Variants in OSBPL1A observed in about 807,000 individuals in gnomAD.
OSBPL1A encodes the protein oxysterol-binding protein-related protein 1.
In OSBPL1A, 80 loss-of-function variants were observed where a neutral mutation model predicts 137.1. The ratio of observed to expected loss-of-function variants is 0.58; its 90% CI spans 0.49 to 0.70. OSBPL1A has a LOEUF of 0.70. Among genes scored for constraint, OSBPL1A ranks in the 30% least tolerant of loss-of-function variants. OSBPL1A has a pLI of 0.00. For synonymous variants in OSBPL1A, 365 were observed against 389.7 expected, an observed-to-expected ratio of 0.94 and a Z score of 0.75; for missense variants, 970 against 1,129.4, an observed-to-expected ratio of 0.86 and a Z score of 2.02.
intron 13 of OSBPL1A, among the ~76,000 whole-genome samples, chr18:24,306,985 G>A (rs534813281): frequency 1.9e-4 from 29 of 151,666 alleles, no homozygotes; most frequent in Non-Finnish European, 3.4e-4. Flanking sequence ...GGCCAGGCTC[G>A]GTGGCTCATG....
intron 15 of OSBPL1A, among the ~76,000 whole-genome samples, chr18:24,251,995 G>A: frequency 6.6e-6 from 1 of 152,110 alleles, no homozygotes; most frequent in East Asian, 1.9e-4. Flanking sequence ...GAATTAGTGA[G>A]CCTGAAGACA....
At chr18:24,372,260 G>T (rs1294720924) in intron 2 of OSBPL1A, among the ~76,000 whole-genome samples, 9 of 148,940 alleles carry the variant, frequency 6.0e-5, no homozygotes, top group Admixed American at 6.0e-4. Flanking sequence ...GAGTGACAGA[G>T]CAAGACGCTG....
At chr18:24,172,697 A>C (rs1439014166) in intron 21 of OSBPL1A, among the ~76,000 whole-genome samples, 2 of 152,238 alleles carry the variant, frequency 1.3e-5, no homozygotes, top group African/African-American at 4.8e-5. Flanking sequence ...CAGCTTAAGA[A>C]AAAATTCTAT....
In OSBPL1A at chr18:24,170,315, C is replaced by CAGGAT; in HGVS notation, c.2418+7_2418+11dup. On this transcript the variant is annotated intron_variant, in intron 24 of 27. Transcript: ENST00000319481. The stretch of plus-strand genomic sequence containing the variant: ...CAGTTATTCCTTCGATACCACCTTA[C>CAGGAT]AGGATGTTCACCTGTTTGCTGTTCT... 2 of 1,614,018 alleles carry CAGGAT rather than the reference C, an allele frequency of 1.2e-6. No homozygotes were observed. The highest frequency in any genetic ancestry group is 1.7e-6 in the Non-Finnish European group (2 of 1,179,968).
rs1906282286 is a variant in OSBPL1A at position 24,377,555 on chromosome 18, A to G, written c.-2-20T>C. ...TCATTTCTAAATTAAGAAAATAATA[A>G]CATTGCTATTATTTAAGAACATAAT... On this transcript the variant is annotated intron_variant, in intron 1 of 27. Coordinates refer to ENST00000319481, the MANE Select transcript of OSBPL1A (RefSeq NM_080597.4). 1.9e-6 allele frequency: 3 copies of G among 1,571,780 alleles called. No homozygotes were observed. The African/African-American group carries it at 4.1e-5, about 22-fold the overall frequency.
chr18:24,269,918 A>T (rs1423078857), intron 15 of OSBPL1A, among the ~76,000 whole-genome samples: 1 of 151,432 alleles, frequency 6.6e-6, no homozygotes, highest in Non-Finnish European at 1.5e-5. Flanking sequence ...ATTTTGTTCA[A>T]AAATTCCCCA....
At chr18:24,256,060 G>A (rs2089265101) in intron 15 of OSBPL1A, among the ~76,000 whole-genome samples, 2 of 152,144 alleles carry the variant, frequency 1.3e-5, no homozygotes, top group African/African-American at 4.8e-5. Flanking sequence ...CTCCCAAAGT[G>A]CTGAGATTAC....
chr18:24,215,883 G>C (rs564885089), intron 17 of OSBPL1A, among the ~76,000 whole-genome samples: 205 of 152,284 alleles, frequency 1.3e-3, no homozygotes, highest in African/African-American at 4.6e-3. Flanking sequence ...TGGGGGAAGA[G>C]GGTACATCTT....
At position 24,168,074 on chromosome 18, in the gene OSBPL1A, T is replaced by C. The variant is rs868247198; in HGVS notation, c.2419-629A>G. ...TTATGTTTTTAAGGCTGTTTCCTTC[T>C]TAAAGACAAAATAATTCATTTGAGT... On this transcript the variant is annotated intron_variant, in intron 24 of 27. Coordinates refer to ENST00000319481, the MANE Select transcript of OSBPL1A (RefSeq NM_080597.4). 2.6e-5 allele frequency among the ~76,000 whole-genome samples: 4 copies of C among 152,346 alleles called. No homozygotes were observed. The South Asian group carries it at 8.3e-4, about 32-fold the overall frequency.
At chr18:24,345,172 G>T (rs1056633293) in intron 4 of OSBPL1A, among the ~76,000 whole-genome samples, 4 of 151,964 alleles carry the variant, frequency 2.6e-5, no homozygotes, top group South Asian at 4.2e-4. Context: ...ATAATGAAGG[G>T]TAAGGGGGAA....
At chr18:24,373,298 G>A (rs1463247722) in intron 2 of OSBPL1A, among the ~76,000 whole-genome samples, 1 of 152,066 alleles carries the variant, frequency 6.6e-6, no homozygotes, top group Non-Finnish European at 1.5e-5. Flanking sequence ...CTTCACATTT[G>A]GACCTCCTAG....
intron 14 of OSBPL1A, among the ~76,000 whole-genome samples, chr18:24,297,420 T>C (rs981948836): frequency 6.6e-6 from 1 of 152,174 alleles, no homozygotes; most frequent in African/African-American, 2.4e-5. Context: ...GTCTATCAAT[T>C]TTGTTTATGT....
In OSBPL1A at chr18:24,163,097, T is replaced by A. The variant is rs1567909662; in HGVS notation, c.*82A>T. 9.8e-7 allele frequency: 1 copy of A among 1,019,692 alleles called. No homozygotes were observed. Among genetic ancestry groups the A allele is most frequent in the Non-Finnish European group, 1.4e-6 (1 of 702,176 alleles). 63.2% of individuals were successfully genotyped at this position (1,019,692 alleles called of 1,614,324 possible). On this transcript the variant is annotated 3_prime_UTR_variant, in exon 28 of 28. Coordinates refer to ENST00000319481, the MANE Select transcript of OSBPL1A (RefSeq NM_080597.4). ...TTCATTTTTTTTTTTAAAAGATAAG[T>A]AGAAACCAAGGGAAAAAAATTTAAA...
At chr18:24,177,482 G>A (rs2086479327) in intron 21 of OSBPL1A, among the ~76,000 whole-genome samples, 1 of 152,140 alleles carries the variant, frequency 6.6e-6, no homozygotes, top group Non-Finnish European at 1.5e-5. Flanking sequence ...GAGTCTTTGG[G>A]TTGTTGCTTT....
intron 17 of OSBPL1A, among the ~76,000 whole-genome samples, chr18:24,213,053 G>A (rs924156825): frequency 6.6e-6 from 1 of 152,140 alleles, no homozygotes; most frequent in African/African-American, 2.4e-5. Flanking sequence ...CTGAAGCCTA[G>A]TATAAATGAG....
rs75368037 is a variant in OSBPL1A at position 24,181,217 on chromosome 18, T to G, written c.1740A>C (p.Leu580=). 6.6e-5 allele frequency: 106 copies of G among 1,614,104 alleles called. No individual in the cohort carries two copies. In the African/African-American group the frequency reaches 1.3e-3, roughly 20 times the overall value. ...FNEPLSFLQR[L]TEYMEHTYLI... is the part of the protein sequence containing the mutation. ...GGTAAGTATGCTCCATGTATTCAGTTAGGCGCTGTAGGAAGCTCAGAGGCT... is the reference window on the plus strand; with the variant it reads ...GGTAAGTATGCTCCATGTATTCAGTGAGGCGCTGTAGGAAGCTCAGAGGCT... Residue 580 remains leucine (L), a synonymous_variant, in exon 19 of 28, where the codon CTA becomes CTC. Coordinates refer to ENST00000319481, the MANE Select transcript of OSBPL1A (RefSeq NM_080597.4).
intron 10 of OSBPL1A, 55 bp from the exon 11 acceptor site, chr18:24,317,267 A>T: frequency 6.2e-7 from 1 of 1,610,200 alleles, no homozygotes; most frequent in Non-Finnish European, 8.5e-7. Context: ...AAGTGAAAAA[A>T]ATTCGTATTT....
chr18:24,395,917 C>A (rs949486594), intron 1 of OSBPL1A, among the ~76,000 whole-genome samples: 12 of 149,950 alleles, frequency 8.0e-5, no homozygotes, highest in African/African-American at 2.7e-4. Context: ...CCATGGCACC[C>A]GGCCAGGAAT....
intron 15 of OSBPL1A, among the ~76,000 whole-genome samples, chr18:24,250,161 T>G (rs1485171675): frequency 1.9e-5 from 1 of 53,226 alleles, no homozygotes; most frequent in African/African-American, 5.6e-5. Flanking sequence ...TGTTTTTGTT[T>G]GTTTGTTTGT....
Sources: gnomAD v4.1 joint callset for allele counts (sites outside exome capture counted in the v4.1 genomes callset) on GRCh38, gnomAD v4.1.1 for gene constraint, MANE v1.5 for transcripts, NCBI Gene and HGNC (gene_info 2026-07-23, HGNC 2026-07-21) for gene names.